STX12: variants seen among roughly 807,000 people sequenced by gnomAD.
STX12 encodes syntaxin 12, also known as syntaxin-12.
STX12 carries 17 observed loss-of-function variants against 42.2 expected under a neutral mutation model. That is an observed-to-expected ratio of 0.40 (90% CI 0.28 to 0.60). The LOEUF is 0.60. STX12 is among the 20% of genes least tolerant of loss of function. STX12 has a pLI of 0.39. For missense variants in STX12, 297 were observed against 330.9 expected, an observed-to-expected ratio of 0.90 and a Z score of 0.79; for synonymous variants, 108 against 116.7, an observed-to-expected ratio of 0.93 and a Z score of 0.48.
rs752791985 is a variant in STX12 at position 27,810,281 on chromosome 1, AT to A, written c.465del (p.Phe155LeufsTer53). On this transcript the variant is annotated frameshift_variant, in exon 5 of 9. Coordinates refer to ENST00000373943, the MANE Select transcript of STX12 (RefSeq NM_177424.3). LOFTEE classifies it high-confidence loss of function. The part of the protein sequence containing the change: ...ERQREEQLVS[F>X]DSHEEWNQMQ... ...GGCAAAGAGAGGAGCAGCTGGTCTC[AT>A]TTGACAGGTAATAGAATTATTCATA... The A allele has an allele frequency of 1.2e-6, 2 of 1,613,204 alleles. No homozygotes were observed. Among genetic ancestry groups the A allele is most frequent in the African/African-American group, 2.7e-5 (2 of 75,020 alleles).
Position 27,804,123 on chromosome 1 carries a change from T to C in STX12, c.426+2308T>C, listed in dbSNP as rs527787153. 2.6e-5 allele frequency among the ~76,000 whole-genome samples: 4 copies of C among 152,166 alleles called. No homozygotes were observed. In the South Asian group the frequency reaches 6.2e-4, roughly 24 times the overall value. On this transcript the variant is annotated intron_variant, in intron 4 of 8. Coordinates refer to ENST00000373943, the MANE Select transcript of STX12 (RefSeq NM_177424.3). ...TTAATCTCAGGAACCCATTACACTC[T>C]TAAAAATCATTAAATTCTGTGGCCG...
chr1:27,792,793 C>G (rs1279408407), intron 2 of STX12, among the ~76,000 whole-genome samples: 1 of 152,118 alleles, frequency 6.6e-6, no homozygotes, highest in Non-Finnish European at 1.5e-5. Context: ...TCTCAGAAAG[C>G]CTTTGTAGAA....
rs573876514 is a variant in STX12, at chr1:27,793,118, A to G, written c.189-415A>G. Among the ~76,000 whole-genome samples the G allele has an allele frequency of 1.5e-4, 23 of 152,364 alleles. No individual in the cohort carries two copies. In the South Asian group the frequency reaches 3.3e-3, roughly 22 times the overall value. ...TACGCTTTTAATGCACATTTCATCT[A>G]ACTGTCTGTGCCTAGATTCTAGTCA... On this transcript the variant is annotated intron_variant, in intron 2 of 8. Transcript: ENST00000373943.
chr1:27,809,299 G>A (rs61787135), intron 4 of STX12, among the ~76,000 whole-genome samples: 1 of 64 alleles, frequency 0.016, no homozygotes, highest in Non-Finnish European at 0.083. Flanking sequence ...CGTGCCACTC[G>A]ATCCAGCCTC....
intron 1 of STX12, among the ~76,000 whole-genome samples, chr1:27,779,010 T>C (rs2088646087): frequency 6.6e-6 from 1 of 152,166 alleles, no homozygotes; most frequent in South Asian, 2.1e-4. Context: ...TCCTCCCACC[T>C]CAGTCTCCCA....
At chr1:27,787,935 A>G (rs2088710240) in intron 1 of STX12, among the ~76,000 whole-genome samples, 1 of 152,162 alleles carries the variant, frequency 6.6e-6, no homozygotes, top group South Asian at 2.1e-4. Context: ...AATATTCACA[A>G]ATTATACAAT....
intron 4 of STX12, among the ~76,000 whole-genome samples, chr1:27,806,390 G>A (rs2088862777): frequency 6.6e-6 from 1 of 152,070 alleles, no homozygotes; most frequent in African/African-American, 2.4e-5. Context: ...AAGTAAAAAT[G>A]GTATTCCCTA....
In STX12 at chr1:27,793,560, G is replaced by T. The variant is rs1471270221; in HGVS notation, c.216G>T (p.Gln72His). 1.9e-6 allele frequency: 3 copies of T among 1,613,944 alleles called. No individual in the cohort carries two copies. The highest frequency in any genetic ancestry group is 1.3e-5 in the African/African-American group (1 of 74,878). Residue 72 changes from glutamine (Q) to histidine (H), a missense_variant, in exon 3 of 9, where the codon CAG becomes CAT. Transcript: ENST00000373943. ...NLQQLQHSTN[Q>H]LAKETNELLK... ...AACAGTTACAACACTCCACAAATCA[G>T]CTCGCCAAGGAAACAAATGAATTGC...
intron 4 of STX12, among the ~76,000 whole-genome samples, chr1:27,809,309 C>CA (rs2088886310): frequency 1.6e-4 from 2 of 12,772 alleles, no homozygotes; most frequent in African/African-American, 2.9e-4. Context: ...GATCCAGCCT[C>CA]GGGACCAGAG....
At chr1:27,779,315 A>G (rs944087115) in intron 1 of STX12, among the ~76,000 whole-genome samples, 15 of 150,280 alleles carry the variant, frequency 1.0e-4, no homozygotes, top group Admixed American at 9.9e-4. Context: ...ATTGAATCAG[A>G]TGGTTTTTTT....
chr1:27,806,971 C>T (rs1207390300), intron 4 of STX12, among the ~76,000 whole-genome samples: 3 of 152,142 alleles, frequency 2.0e-5, no homozygotes, highest in Non-Finnish European at 4.4e-5. Context: ...CCCACCAGGT[C>T]CCTCCCTTCG....
At position 27,776,356 on chromosome 1, in the gene STX12, T is replaced by G. The variant is rs559660942; in HGVS notation, c.118+2931T>G. On this transcript the variant is annotated intron_variant, in intron 1 of 8. Transcript: ENST00000373943. ...TAGTTGCCCTGCTAACAAATGACAA[T>G]ATCTGAATTTGAAACTAGGTCTCTT... Among the ~76,000 whole-genome samples, 18 of 152,258 alleles carry G rather than the reference T, an allele frequency of 1.2e-4. No homozygotes were observed. The South Asian group carries it at 3.5e-3, about 30-fold the overall frequency.
intron 3 of STX12, among the ~76,000 whole-genome samples, chr1:27,797,855 G>A (rs968641953): frequency 6.7e-6 from 1 of 148,386 alleles, no homozygotes; most frequent in African/African-American, 2.6e-5. Context: ...GCCCTAAGGG[G>A]AAAAAAAATT....
chr1:27,790,213 T>C (rs2088729873), intron 2 of STX12, among the ~76,000 whole-genome samples: 1 of 152,248 alleles, frequency 6.6e-6, no homozygotes, highest in South Asian at 2.1e-4. Context: ...TTGGTCTTGC[T>C]GACTTCAACA....
intron 4 of STX12, among the ~76,000 whole-genome samples, chr1:27,805,001 G>T (rs1265563283): frequency 6.6e-6 from 1 of 152,134 alleles, no homozygotes; most frequent in Non-Finnish European, 1.5e-5. Flanking sequence ...AATGAGTGCG[G>T]AGAGAAGGGG....
chr1:27,776,082 AGAAAG>A (rs2088626315), intron 1 of STX12, among the ~76,000 whole-genome samples: 1 of 152,214 alleles, frequency 6.6e-6, no homozygotes, highest in Admixed American at 6.5e-5. Context: ...GAAAATGAAA[AGAAAG>A]GAAAGGATAG....
rs2088609432 is a variant in STX12, at chr1:27,773,439, C to G, written c.118+14C>G. The G allele has an allele frequency of 6.2e-7, 1 of 1,611,438 alleles. No homozygotes were observed. The highest frequency in any genetic ancestry group is 1.1e-5 in the South Asian group (1 of 91,048). On this transcript the variant is annotated intron_variant, in intron 1 of 8. Transcript: ENST00000373943. ...TCAGCCAAGCCAGTGAGCCGGGGTA[C>G]CGAGCTGGGGGGCGGGAGCTGTCCC...
chr1:27,804,296 C>A (rs984645314), intron 4 of STX12, among the ~76,000 whole-genome samples: 1 of 151,484 alleles, frequency 6.6e-6, no homozygotes, highest in Non-Finnish European at 1.5e-5. Context: ...CATGGTGGCG[C>A]ATGCCTGTAA....
Position 27,793,526 on chromosome 1 carries a change from C to G in STX12, c.189-7C>G. 1 of 1,612,778 alleles carries G rather than the reference C, an allele frequency of 6.2e-7. No homozygotes were observed. The highest frequency in any genetic ancestry group is 8.5e-7 in the Non-Finnish European group (1 of 1,178,882). On this transcript the variant is annotated splice_region_variant and splice_polypyrimidine_tract_variant and intron_variant, in intron 2 of 8. Coordinates refer to ENST00000373943, the MANE Select transcript of STX12 (RefSeq NM_177424.3). ...CAACATCCTGAAACATATCTTTTCT[C>G]TCTTAGGCAACAGTTACAACACTCC...
Sources: gnomAD v4.1 joint callset for allele counts (sites outside exome capture counted in the v4.1 genomes callset) on GRCh38, gnomAD v4.1.1 for gene constraint, MANE v1.5 for transcripts, NCBI Gene and HGNC (gene_info 2026-07-23, HGNC 2026-07-21) for gene names.